The following RAPGEF1 variants were observed in gnomAD, a reference collection of about 807,000 sequenced individuals.
RAPGEF1 encodes CRK SH3-binding GNRP.
A neutral mutation model predicts 143.3 loss-of-function variants in RAPGEF1; 33 were observed. The observed-to-expected ratio is 0.23, with a 90% CI of 0.17 to 0.31. RAPGEF1 has a LOEUF of 0.31. Among genes scored for constraint, RAPGEF1 ranks in the 10% least tolerant of loss-of-function variants. The probability of loss-of-function intolerance (pLI) is 1.00; values close to 1 mark genes in which losing one functional copy is unlikely to be tolerated. For missense variants in RAPGEF1, 1,199 were observed against 1,645.4 expected (o/e 0.73, Z 4.69); for synonymous variants, 629 against 676.5 (o/e 0.93, Z 1.09).
chr9:131,619,579 C>T (rs189138084), intron 11 of RAPGEF1, among the ~76,000 whole-genome samples: 61 of 152,270 alleles, frequency 4.0e-4, no homozygotes, highest in African/African-American at 1.3e-3. Flanking sequence ...GACGGGGCTC[C>T]GGCAGCCTGG....
intron 1 of RAPGEF1, among the ~76,000 whole-genome samples, chr9:131,718,271 G>C (rs1318415617): frequency 6.6e-6 from 1 of 152,212 alleles, no homozygotes; most frequent in East Asian, 1.9e-4. Context: ...GACGGGGAGA[G>C]GGGTGTCAGG....
At chr9:131,703,902 T>C (rs1037311068) in intron 1 of RAPGEF1, among the ~76,000 whole-genome samples, 9 of 152,164 alleles carry the variant, frequency 5.9e-5, no homozygotes. Context: ...CACACAGCCA[T>C]TGGGATTGGG....
intron 1 of RAPGEF1, among the ~76,000 whole-genome samples, chr9:131,695,465 G>T (rs1378853879): frequency 6.6e-6 from 1 of 152,234 alleles, no homozygotes; most frequent in Non-Finnish European, 1.5e-5. Context: ...AAGCTATTCA[G>T]TGTGGAAGCA....
At chr9:131,596,485 C>T in intron 16 of RAPGEF1, 112 bp from the exon 17 acceptor site, 1 of 1,054,994 alleles carries the variant, frequency 9.5e-7, no homozygotes, top group Non-Finnish European at 1.4e-6. Context: ...ACCCCAAGTC[C>T]CCTCTCCTTC....
intron 1 of RAPGEF1, among the ~76,000 whole-genome samples, chr9:131,710,855 C>G (rs1835455262): frequency 6.6e-6 from 1 of 152,194 alleles, no homozygotes; most frequent in Non-Finnish European, 1.5e-5. Context: ...CACCACTGCA[C>G]TCCAGCCTGG....
chr9:131,603,847 C>G, intron 14 of RAPGEF1, 114 bp downstream of exon 14: 1 of 542,204 alleles, frequency 1.8e-6, no homozygotes. Flanking sequence ...CTGCTGGTGA[C>G]TAGGAGGGGG....
chr9:131,657,794 G>A (rs955268330), intron 1 of RAPGEF1, among the ~76,000 whole-genome samples: 6 of 152,206 alleles, frequency 3.9e-5, no homozygotes, highest in African/African-American at 1.4e-4. Context: ...CTTCCCTACA[G>A]GCAGCCCGAC....
chr9:131,686,786 G>A (rs991437298), intron 1 of RAPGEF1, among the ~76,000 whole-genome samples: 45 of 152,210 alleles, frequency 3.0e-4, no homozygotes, highest in Non-Finnish European at 1.6e-4. Context: ...CAGAGACTTA[G>A]ACAGTCCTCA....
intron 1 of RAPGEF1, among the ~76,000 whole-genome samples, chr9:131,662,229 C>A (rs981909390): frequency 2.0e-5 from 3 of 152,218 alleles, no homozygotes; most frequent in African/African-American, 7.2e-5. Context: ...TGCACATACA[C>A]ATGGTAGATC....
intron 1 of RAPGEF1, chr9:131,710,103 A>G: frequency 3.3e-6 from 1 of 305,926 alleles, no homozygotes; most frequent in Non-Finnish European, 4.8e-6. Flanking sequence ...GCTGAAAGTC[A>G]TAAATGAACC....
In RAPGEF1 at chr9:131,710,185, G is replaced by T. The variant is rs1308684369; in HGVS notation, c.61+29585C>A. On this transcript the variant is annotated intron_variant, in intron 1 of 26. Coordinates refer to ENST00000683357, the MANE Select transcript of RAPGEF1 (RefSeq NM_001377935.1). ...CACGCCTTCTATTTCAGAGTCCCAC[G>T]CTCAGACCAGTGTGCACCACGTAAC... Among the ~76,000 whole-genome samples, 4 of 152,108 alleles carry T rather than the reference G, an allele frequency of 2.6e-5. No individual in the cohort carries two copies. In the South Asian group the frequency reaches 8.3e-4, roughly 32 times the overall value.
At position 131,628,170 on chromosome 9, in the gene RAPGEF1, G is replaced by A. The variant is rs1057498222; in HGVS notation, c.1018-74C>T. ...GGCACAGACCAGGGGTGAGGCAACC[G>A]GTGCATTTACTTAGAGAAGGAAATA... On this transcript the variant is annotated intron_variant, in intron 8 of 26. Transcript: ENST00000683357. The surrounding 1 kb of genome is among the most constrained non-coding windows in gnomAD (Gnocchi z 5.7). 3.4e-5 allele frequency: 45 copies of A among 1,339,148 alleles called. No individual in the cohort carries two copies. In the East Asian group the frequency reaches 5.6e-4, roughly 17 times the overall value. The allele number at this position is 1,339,148 out of a possible 1,614,324, so 83.0% of individuals were successfully genotyped here. A position where few individuals can be genotyped will look rare whatever the true frequency, so the allele number is the denominator to read the frequency against.
At chr9:131,710,760 G>A (rs1003835972) in intron 1 of RAPGEF1, among the ~76,000 whole-genome samples, 1 of 152,096 alleles carries the variant, frequency 6.6e-6, no homozygotes, top group South Asian at 2.1e-4. Flanking sequence ...GTGGTGGGAC[G>A]AAGCTGTAAT....
intron 1 of RAPGEF1, among the ~76,000 whole-genome samples, chr9:131,681,578 G>A (rs1258154109): frequency 1.3e-5 from 2 of 152,166 alleles, no homozygotes; most frequent in Non-Finnish European, 2.9e-5. Context: ...TCTTACTCGA[G>A]CTTGTCTAAC....
rs879508209 is a variant in RAPGEF1, at chr9:131,727,060, A to AT, written c.61+12709dup. Reference sequence around the variant, plus strand: ...CAAAACATCAATTTTACTATACATAATTTTTTTTTAAACCTCACCCATAAG... The same window carrying AT: ...CAAAACATCAATTTTACTATACATAATTTTTTTTTTAAACCTCACCCATAAG... On this transcript the variant is annotated intron_variant, in intron 1 of 26. Transcript: ENST00000683357. 5.2e-4 allele frequency among the ~76,000 whole-genome samples: 79 copies of AT among 151,726 alleles called. 1 individual carries two copies. The highest frequency in any genetic ancestry group is 3.5e-3 in the Admixed American group (53 of 15,212).
intron 1 of RAPGEF1, chr9:131,709,524 G>T: frequency 8.8e-7 from 1 of 1,132,926 alleles, no homozygotes; most frequent in Non-Finnish European, 1.3e-6. Context: ...TCTGGAAGGT[G>T]ATTCCCCAGG....
intron 1 of RAPGEF1, among the ~76,000 whole-genome samples, chr9:131,732,823 C>T (rs980101533): frequency 2.0e-5 from 3 of 152,166 alleles, no homozygotes; most frequent in African/African-American, 4.8e-5. Context: ...GCACCTATTG[C>T]GTTCAAGGCA....
In RAPGEF1 at chr9:131,605,076, T is replaced by A. The variant is rs771507894; in HGVS notation, c.2174A>T (p.His725Leu). 2 of 1,364,716 alleles carry A rather than the reference T, an allele frequency of 1.5e-6. No homozygotes were observed. The highest frequency in any genetic ancestry group is 2.0e-6 in the Non-Finnish European group (2 of 1,021,340). 84.5% of individuals were successfully genotyped at this position (1,364,716 alleles called of 1,614,324 possible). Reference sequence around the variant, plus strand: ...GGCTAAGTCAGAGCTCTGAGACTGGTGGGCAGGTGGGAAATGTGGAGAGGA... The same window carrying A: ...GGCTAAGTCAGAGCTCTGAGACTGGAGGGCAGGTGGGAAATGTGGAGAGGA... Reference protein sequence around the residue: ...SSSSPHFPPAHQSQSSDLAVP... With the variant: ...SSSSPHFPPALQSQSSDLAVP... Residue 725 changes from histidine to leucine, a missense_variant, in exon 13 of 27, where the codon CAC (histidine) becomes CTC (leucine). By Grantham distance (99) the His-to-Leu change is moderately conservative. Transcript: ENST00000683357.
chr9:131,593,526 T>TC (rs961365021), intron 17 of RAPGEF1, among the ~76,000 whole-genome samples: 1 of 152,150 alleles, frequency 6.6e-6, no homozygotes, highest in Non-Finnish European at 1.5e-5. Flanking sequence ...GACCACCTGC[T>TC]CCCACCTTCT....
Sources: allele counts gnomAD v4.1 joint callset (sites outside exome capture counted in the v4.1 genomes callset), GRCh38; gene constraint gnomAD v4.1.1; non-coding constraint Gnocchi (gnomAD v3.1); transcripts MANE v1.5; gene names NCBI Gene and HGNC (gene_info 2026-07-23, HGNC 2026-07-21).